MGAT4C: variants seen among roughly 807,000 people sequenced by gnomAD.
MGAT4C encodes the protein alpha-1,3-mannosyl-glycoprotein 4-beta-N-acetylglucosaminyltransferase C.
A neutral mutation model predicts 40.1 loss-of-function variants in MGAT4C; 19 were observed. The observed-to-expected ratio is 0.47, with a 90% CI of 0.33 to 0.70. The LOEUF (loss-of-function observed/expected upper bound fraction) is 0.70, where lower values mean the gene tolerates loss of function less well. Ranked by LOEUF, MGAT4C falls within the 30% of genes least tolerant of loss-of-function variation. The pLI is 0.02. For missense variants in MGAT4C, 491 were observed against 563.2 expected, an observed-to-expected ratio of 0.87 and a Z score of 1.30; for synonymous variants, 181 against 187.1, an observed-to-expected ratio of 0.97 and a Z score of 0.27.
intron 4 of MGAT4C, among the ~76,000 whole-genome samples, chr12:85,980,931 C>A (rs1565809207): frequency 6.6e-6 from 1 of 152,058 alleles, no homozygotes; most frequent in Non-Finnish European, 1.5e-5. Flanking sequence ...TTTCAATCAT[C>A]TTTAAATTTT....
At chr12:86,120,758 C>T (rs765216467) in intron 1 of MGAT4C, among the ~76,000 whole-genome samples, 9 of 152,084 alleles carry the variant, frequency 5.9e-5, no homozygotes, top group Non-Finnish European at 1.2e-4. Flanking sequence ...TCATCAAAGA[C>T]CAAAGGTAGA....
chr12:86,134,244 T>G (rs1158472229), intron 1 of MGAT4C, among the ~76,000 whole-genome samples: 2 of 152,096 alleles, frequency 1.3e-5, no homozygotes, highest in Non-Finnish European at 2.9e-5. Context: ...TTTATTTGAT[T>G]AACCAGTAAT....
At chr12:86,833,783 A>T (rs570701278) in intron 1 of MGAT4C, among the ~76,000 whole-genome samples, 19 of 152,000 alleles carry the variant, frequency 1.3e-4, no homozygotes, top group African/African-American at 4.6e-4. Flanking sequence ...TTGTTTTTAC[A>T]AAAAGTAGTT....
chr12:86,025,355 ACAT>A (rs770385996), intron 2 of MGAT4C, among the ~76,000 whole-genome samples: 26 of 151,764 alleles, frequency 1.7e-4, no homozygotes, highest in Non-Finnish European at 3.4e-4. Flanking sequence ...TGTAATCGAA[ACAT>A]CATTGATTCA....
At chr12:86,178,215 C>T (rs1262013242) in intron 1 of MGAT4C, among the ~76,000 whole-genome samples, 2 of 152,162 alleles carry the variant, frequency 1.3e-5, no homozygotes, top group Non-Finnish European at 2.9e-5. Flanking sequence ...GGATTACAGG[C>T]ATGAGCTACT....
chr12:86,604,554 C>G (rs1017634792), intron 2 of MGAT4C, among the ~76,000 whole-genome samples: 1 of 152,122 alleles, frequency 6.6e-6, no homozygotes, highest in Non-Finnish European at 1.5e-5. Context: ...TTATTCCCCT[C>G]TATCCAAATG....
chr12:86,109,422 G>A (rs917629289), intron 1 of MGAT4C, among the ~76,000 whole-genome samples: 3 of 152,026 alleles, frequency 2.0e-5, no homozygotes, highest in African/African-American at 7.2e-5. Context: ...TAATTAAACA[G>A]AAGAAAACAG....
intron 1 of MGAT4C, among the ~76,000 whole-genome samples, chr12:86,774,319 C>CTTTCTT (rs1565981529): frequency 2.1e-5 from 2 of 93,620 alleles, no homozygotes; most frequent in Non-Finnish European, 4.5e-5. Flanking sequence ...TTCTTTCTTT[C>CTTTCTT]TTTCTTTCTT....
At chr12:86,083,620 TG>T (rs1871244550) in intron 1 of MGAT4C, among the ~76,000 whole-genome samples, 1 of 151,972 alleles carries the variant, frequency 6.6e-6, no homozygotes, top group South Asian at 2.1e-4. Flanking sequence ...CAATAATCAT[TG>T]ATGGTTAGAA....
At chr12:86,571,503 C>T (rs7297574) in intron 2 of MGAT4C, among the ~76,000 whole-genome samples, 111,943 of 151,982 alleles carry the variant, frequency 0.74, 42,614 homozygotes, top group Middle Eastern at 0.84. Flanking sequence ...ATTTAAAGTA[C>T]TGCAATTGTT....
intron 1 of MGAT4C, among the ~76,000 whole-genome samples, chr12:86,805,777 A>C (rs1171603594): frequency 6.6e-6 from 1 of 152,032 alleles, no homozygotes. Context: ...TTCTGGTTTA[A>C]ATTATTTAAG....
intron 3 of MGAT4C, among the ~76,000 whole-genome samples, chr12:86,348,543 C>T (rs1955089508): frequency 6.6e-6 from 1 of 151,992 alleles, no homozygotes; most frequent in Admixed American, 6.6e-5. Context: ...AAATTGCATA[C>T]ATTATTGCTA....
chr12:86,257,797 A>G (rs1482279444), upstream of MGAT4C, among the ~76,000 whole-genome samples: 1 of 152,178 alleles, frequency 6.6e-6, no homozygotes, highest in African/African-American at 2.4e-5. Flanking sequence ...AGCATGTGAC[A>G]TGGGAGCAAG....
chr12:86,722,464 CATT>C (rs1950753255), intron 2 of MGAT4C, among the ~76,000 whole-genome samples: 1 of 152,150 alleles, frequency 6.6e-6, no homozygotes, highest in African/African-American at 2.4e-5. Flanking sequence ...CACACACACA[CATT>C]ATAAAATATA....
chr12:86,081,081 A>C (rs1870751528), intron 1 of MGAT4C, among the ~76,000 whole-genome samples: 1 of 152,162 alleles, frequency 6.6e-6, no homozygotes, highest in Admixed American at 6.5e-5. Context: ...AGGGGAAATA[A>C]CCAGAGGAAG....
chr12:86,406,292 T>C (rs1956472423), intron 3 of MGAT4C, among the ~76,000 whole-genome samples: 2 of 151,574 alleles, frequency 1.3e-5, no homozygotes, highest in Admixed American at 1.3e-4. Context: ...ATTTCCTTAT[T>C]AAGAGGGTGA....
chr12:86,295,250 G>A (rs1241322492), intron 4 of MGAT4C, among the ~76,000 whole-genome samples: 1 of 152,014 alleles, frequency 6.6e-6, no homozygotes, highest in Non-Finnish European at 1.5e-5. Flanking sequence ...CTTAAAATTC[G>A]ATTTCCAAAG....
At chr12:86,450,469 G>A (rs1271613495) in intron 2 of MGAT4C, among the ~76,000 whole-genome samples, 2 of 151,936 alleles carry the variant, frequency 1.3e-5, no homozygotes, top group Non-Finnish European at 2.9e-5. Context: ...GAGTTTCACA[G>A]TTTTAATCTC....
At position 86,315,890 on chromosome 12, in the gene MGAT4C, A is replaced by C. The variant is rs572017702; in HGVS notation, c.-57+18175T>G. Among the ~76,000 whole-genome samples the C allele has an allele frequency of 3.3e-5, 5 of 152,018 alleles. No homozygotes were observed. The East Asian group carries it at 7.8e-4, about 24-fold the overall frequency. On this transcript the variant is annotated intron_variant, in intron 4 of 7. Coordinates refer to the MGAT4C transcript ENST00000548651. ...AAAGAGACTCTGCACAGCAAAAGAA[A>C]CGATTAACAGAGTACACAGATAATG...
Sources: gnomAD v4.1 joint callset for allele counts (sites outside exome capture counted in the v4.1 genomes callset) on GRCh38, gnomAD v4.1.1 for gene constraint, MANE v1.5 for transcripts, NCBI Gene and HGNC (gene_info 2026-07-23, HGNC 2026-07-21) for gene names.